The following MACC1 variants were observed in gnomAD, a reference collection of about 807,000 sequenced individuals.
MACC1 encodes metastasis-associated in colon cancer protein 1.
In MACC1, 79 loss-of-function variants were observed where a neutral mutation model predicts 70.7. That is an observed-to-expected ratio of 1.12 (90% CI 0.93 to 1.35). The LOEUF (loss-of-function observed/expected upper bound fraction) is 1.35, where lower values mean the gene tolerates loss of function less well. Ranked by LOEUF, MACC1 falls within the 40% of genes most tolerant of loss-of-function variation. The probability of loss-of-function intolerance (pLI) is 0.00; values close to 1 mark genes in which losing one functional copy is unlikely to be tolerated. For synonymous variants in MACC1, 361 were observed against 347.2 expected, an observed-to-expected ratio of 1.04 and a Z score of -0.44; for missense variants, 1,106 against 978.1, an observed-to-expected ratio of 1.13 and a Z score of -1.74.
At chr7:20,210,693 C>A (rs1281407694) in intron 1 of MACC1, among the ~76,000 whole-genome samples, 5 of 152,290 alleles carry the variant, frequency 3.3e-5, no homozygotes, top group Admixed American at 6.5e-5. Flanking sequence ...CTTAGCACTG[C>A]CATCAATGAG....
rs1269916148 is a variant in MACC1, at chr7:20,160,174, C to T, written c.187G>A (p.Val63Ile). Residue 63 changes from valine to isoleucine, a missense_variant, in exon 5 of 7, where the codon GTT (valine) becomes ATT (isoleucine). Coordinates refer to ENST00000400331, the MANE Select transcript of MACC1 (RefSeq NM_182762.4). ...FTLRGNNASK[V>I]ANPFWNQLSA... ...AGTTGATTCCAGAATGGATTTGCAA[C>T]TTTGGAAGCATTATTACCACGAAGG... 1 of 1,610,612 alleles carries T rather than the reference C, an allele frequency of 6.2e-7. No individual in the cohort carries two copies.
intron 2 of MACC1, among the ~76,000 whole-genome samples, chr7:20,169,424 C>T (rs1421518031): frequency 1.3e-5 from 2 of 152,130 alleles, no homozygotes; most frequent in Non-Finnish European, 2.9e-5. Flanking sequence ...GATCAACCCC[C>T]AATTCAGAAG....
chr7:20,152,941 C>T (rs1417917324), intron 6 of MACC1, among the ~76,000 whole-genome samples: 7 of 152,136 alleles, frequency 4.6e-5, no homozygotes, highest in Non-Finnish European at 8.8e-5. Flanking sequence ...GCGTATCCCT[C>T]ATAATATTTG....
In MACC1 at chr7:20,158,856, A is replaced by G. The variant is rs1782094898; in HGVS notation, c.1505T>C (p.Ile502Thr). The change falls in exon 5 of 7, where the codon ATC (isoleucine) becomes ACC (threonine). Residue 502 changes from isoleucine (I) to threonine (T), a missense_variant. Ile to Thr is a moderately conservative substitution (Grantham distance 89, BLOSUM62 -1). Coordinates refer to ENST00000400331, the MANE Select transcript of MACC1 (RefSeq NM_182762.4). The part of the protein sequence containing the change: ...PNGEPVAQFS[I>T]TTPDPTPNLK... ...GTTTGGGGTTGGATCAGGAGTAGTG[A>G]TAGAGAACTGTGCAACTGGTTCACC... 3 of 1,614,130 alleles carry G rather than the reference A, an allele frequency of 1.9e-6. No homozygotes were observed. Among genetic ancestry groups the G allele is most frequent in the South Asian group, 2.2e-5 (2 of 91,078 alleles).
chr7:20,146,191 T>TA (rs765139138), intron 6 of MACC1, among the ~76,000 whole-genome samples: 2 of 151,914 alleles, frequency 1.3e-5, no homozygotes, highest in Admixed American at 6.6e-5. Context: ...AGCTTTGCCT[T>TA]AAAAAAACCT....
chr7:20,186,631 G>A (rs1782592332), intron 1 of MACC1, among the ~76,000 whole-genome samples: 2 of 151,564 alleles, frequency 1.3e-5, no homozygotes, highest in Admixed American at 1.3e-4. Flanking sequence ...CAATGTCTAA[G>A]GAATTAGTTT....
chr7:20,191,040 T>C (rs1338230018), intron 1 of MACC1, among the ~76,000 whole-genome samples: 1 of 152,212 alleles, frequency 6.6e-6, no homozygotes, highest in Non-Finnish European at 1.5e-5. Context: ...CTAAGCATTT[T>C]TTCTTAGTGG....
intron 1 of MACC1, among the ~76,000 whole-genome samples, chr7:20,180,720 G>T (rs1448467267): frequency 6.6e-6 from 1 of 152,058 alleles, no homozygotes; most frequent in Non-Finnish European, 1.5e-5. Context: ...GGTGGTGCGT[G>T]TCTGTAATCC....
chr7:20,209,883 T>A (rs1782971103), intron 1 of MACC1, among the ~76,000 whole-genome samples: 1 of 152,176 alleles, frequency 6.6e-6, no homozygotes. Flanking sequence ...GCTACTCTTG[T>A]AACAGTGAGT....
chr7:20,147,014 T>C (rs1781902275), intron 6 of MACC1, among the ~76,000 whole-genome samples: 1 of 152,210 alleles, frequency 6.6e-6, no homozygotes, highest in Admixed American at 6.5e-5. Context: ...GAGTAAGTAT[T>C]TAACATACAA....
chr7:20,213,131 T>G (rs574173232), intron 1 of MACC1, among the ~76,000 whole-genome samples: 55 of 152,282 alleles, frequency 3.6e-4, no homozygotes, highest in African/African-American at 1.3e-3. Context: ...GAAGCTCTCT[T>G]TTCAAAAGAA....
At chr7:20,207,306 T>C (rs1365940628) in intron 1 of MACC1, among the ~76,000 whole-genome samples, 7 of 151,344 alleles carry the variant, frequency 4.6e-5, no homozygotes, top group Non-Finnish European at 7.4e-5. Flanking sequence ...CCATGTCTGG[T>C]TAATTTTTGT....
At chr7:20,155,724 C>T (rs1176752539) in intron 5 of MACC1, among the ~76,000 whole-genome samples, 14 of 152,218 alleles carry the variant, frequency 9.2e-5, no homozygotes, top group Non-Finnish European at 1.5e-5. Flanking sequence ...ATTAGAAGGA[C>T]TACCCATGGT....
At chr7:20,144,765 C>T (rs1020884050) in intron 6 of MACC1, among the ~76,000 whole-genome samples, 3 of 152,026 alleles carry the variant, frequency 2.0e-5, no homozygotes, top group African/African-American at 7.2e-5. Context: ...TTTAGCATCA[C>T]TTGTGCTACA....
At chr7:20,181,795 A>T (rs1329953542) in intron 1 of MACC1, among the ~76,000 whole-genome samples, 1 of 152,310 alleles carries the variant, frequency 6.6e-6, no homozygotes, top group South Asian at 2.1e-4. Flanking sequence ...ATGAAACAAT[A>T]AAAATAAATT....
chr7:20,172,436 T>C (rs1193892935), intron 1 of MACC1, among the ~76,000 whole-genome samples: 2 of 152,226 alleles, frequency 1.3e-5, no homozygotes, highest in Non-Finnish European at 2.9e-5. Context: ...TTTTAAAGTA[T>C]TTTAAACCAT....
At chr7:20,207,317 AT>A (rs1174731938) in intron 1 of MACC1, among the ~76,000 whole-genome samples, 2,180 of 132,596 alleles carry the variant, frequency 0.016, 41 homozygotes, top group African/African-American at 0.045. Context: ...TAATTTTTGT[AT>A]TTTTTTTTTT....
chr7:20,179,920 A>G (rs1418593813), intron 1 of MACC1, among the ~76,000 whole-genome samples: 3 of 152,260 alleles, frequency 2.0e-5, no homozygotes, highest in Non-Finnish European at 2.9e-5. Flanking sequence ...TTCTGCTCCA[A>G]TTCTGCTCTA....
intron 6 of MACC1, among the ~76,000 whole-genome samples, chr7:20,146,771 G>T (rs1235738140): frequency 6.6e-6 from 1 of 152,108 alleles, no homozygotes; most frequent in Non-Finnish European, 1.5e-5. Context: ...AGGAGGGCTT[G>T]TTTTTTAGTT....
Sources: allele counts gnomAD v4.1 joint callset (sites outside exome capture counted in the v4.1 genomes callset), GRCh38; gene constraint gnomAD v4.1.1; transcripts MANE v1.5; gene names NCBI Gene and HGNC (gene_info 2026-07-23, HGNC 2026-07-21).